NFIB: variants seen among roughly 807,000 people sequenced by gnomAD.
NFIB encodes nuclear factor I B, also known as nuclear factor 1 B-type.
A neutral mutation model predicts 61.5 loss-of-function variants in NFIB; 11 were observed. That is an observed-to-expected ratio of 0.18 (90% confidence interval 0.11 to 0.30). The LOEUF (loss-of-function observed/expected upper bound fraction) is 0.30, where lower values mean the gene tolerates loss of function less well. Among genes scored for constraint, NFIB ranks in the 10% least tolerant of loss-of-function variants. The probability of loss-of-function intolerance (pLI) is 1.00; values close to 1 mark genes in which losing one functional copy is unlikely to be tolerated. For synonymous variants in NFIB, 260 were observed against 216.5 expected, an observed-to-expected ratio of 1.20 and a Z score of -1.76; for missense variants, 471 against 608.9, an observed-to-expected ratio of 0.77 and a Z score of 2.38.
At chr9:14,395,700 C>T (rs1212631839) in intron 1 of NFIB, among the ~76,000 whole-genome samples, 1 of 150,786 alleles carries the variant, frequency 6.6e-6, no homozygotes, top group African/African-American at 2.4e-5. Context: ...CTCATCCCTC[C>T]TCATCCCCCT....
intron 1 of NFIB, among the ~76,000 whole-genome samples, chr9:14,377,499 G>C (rs1469736270): frequency 1.3e-5 from 2 of 152,174 alleles, no homozygotes; most frequent in Non-Finnish European, 2.9e-5. Context: ...TTACAGGCAA[G>C]AGCCACCGTG....
intron 1 of NFIB, among the ~76,000 whole-genome samples, chr9:14,330,385 C>T (rs561477203): frequency 1.3e-5 from 2 of 152,080 alleles, no homozygotes; most frequent in Non-Finnish European, 2.9e-5. Flanking sequence ...CCATATTTTC[C>T]GATCACTAAA....
At chr9:14,471,737 G>A in the NFIB span, among the ~76,000 whole-genome samples, 8 of 152,230 alleles carry the variant, frequency 5.3e-5, no homozygotes, top group Admixed American at 2.6e-4. Flanking sequence ...GAACTCATCC[G>A]GGAAGTTTAG....
intron 10 of NFIB, among the ~76,000 whole-genome samples, chr9:14,104,375 G>A (rs1277055693): frequency 6.6e-6 from 1 of 151,814 alleles, no homozygotes; most frequent in East Asian, 1.9e-4. Flanking sequence ...TTCTCAAAAT[G>A]GGTCGTCTAA....
At chr9:14,097,000 T>C (rs2034897146) in intron 10 of NFIB, among the ~76,000 whole-genome samples, 1 of 152,150 alleles carries the variant, frequency 6.6e-6, no homozygotes, top group Non-Finnish European at 1.5e-5. Context: ...TGGAGAAAGT[T>C]AGGCAAAACT....
At chr9:14,308,510 C>T (rs1437228174) in intron 1 of NFIB, among the ~76,000 whole-genome samples, 1 of 152,198 alleles carries the variant, frequency 6.6e-6, no homozygotes, top group Non-Finnish European at 1.5e-5. Flanking sequence ...AGCAATTATT[C>T]TAAACCTCTT....
At chr9:14,428,563 G>C in the NFIB span, among the ~76,000 whole-genome samples, 51 of 152,162 alleles carry the variant, frequency 3.4e-4, no homozygotes, top group Non-Finnish European at 5.9e-4. Context: ...GAGAGAGGAT[G>C]TAGAAAAACC....
intron 2 of NFIB, among the ~76,000 whole-genome samples, chr9:14,261,516 T>G (rs2056753020): frequency 6.6e-6 from 1 of 151,918 alleles, no homozygotes; most frequent in African/African-American, 2.4e-5. Flanking sequence ...TTGTTGAAAA[T>G]TAACTCACAA....
chr9:14,300,744 G>A (rs377671330), intron 2 of NFIB, among the ~76,000 whole-genome samples: 11 of 152,140 alleles, frequency 7.2e-5, no homozygotes, highest in Admixed American at 5.9e-4. Context: ...ATAACCTTCC[G>A]TTGGGTCCCT....
the NFIB span, among the ~76,000 whole-genome samples, chr9:14,499,406 G>C: frequency 1.4e-4 from 21 of 152,204 alleles, no homozygotes; most frequent in African/African-American, 5.1e-4. Context: ...GTGAGGTGGC[G>C]TCTCACATGG....
At chr9:14,453,083 A>G in the NFIB span, among the ~76,000 whole-genome samples, 10 of 152,232 alleles carry the variant, frequency 6.6e-5, no homozygotes, top group African/African-American at 2.2e-4. Context: ...TAGAACTCCC[A>G]GTGAGGTGGG....
the NFIB span, among the ~76,000 whole-genome samples, chr9:14,489,709 T>G: frequency 6.6e-6 from 1 of 152,136 alleles, no homozygotes; most frequent in South Asian, 2.1e-4. Flanking sequence ...ATAAAAATAA[T>G]AGTATGCCAC....
Position 14,279,090 on chromosome 9 carries a change from T to C in NFIB, c.562+27899A>G, listed in dbSNP as rs1221446672. 4.6e-5 allele frequency among the ~76,000 whole-genome samples: 7 copies of C among 151,252 alleles called. No homozygotes were observed. The East Asian group carries it at 1.4e-3, about 29-fold the overall frequency. Reference sequence around the variant, plus strand: ...GAGAGAGAGACGGACACAGAGAGAGTGTGCCTACAATTCACAAAGCCCTTT... The same window carrying C: ...GAGAGAGAGACGGACACAGAGAGAGCGTGCCTACAATTCACAAAGCCCTTT... On this transcript the variant is annotated intron_variant, in intron 2 of 10. Transcript: ENST00000380953.
chr9:14,083,826 G>A lies in NFIB; in HGVS notation c.*4483C>T. The A allele has an allele frequency of 4.4e-6, 1 of 226,204 alleles. No individual in the cohort carries two copies. Among genetic ancestry groups the A allele is most frequent in the East Asian group, 6.4e-5 (1 of 15,648 alleles). The allele number at this position is 226,204 out of a possible 1,614,324, so 14.0% of individuals were successfully genotyped here. A position where few individuals can be genotyped will look rare whatever the true frequency, so the allele number is the denominator to read the frequency against. On this transcript the variant is annotated 3_prime_UTR_variant, in exon 11 of 11. Coordinates refer to ENST00000380953, the MANE Select transcript of NFIB (RefSeq NM_001190737.2). ...CTACAAGTCACAAATCCAAGATTCT[G>A]CTCCCTGAGGACACGTTATGTGAGA...
chr9:14,227,620 T>G (rs547800036), intron 2 of NFIB, among the ~76,000 whole-genome samples: 9 of 152,290 alleles, frequency 5.9e-5, no homozygotes, highest in African/African-American at 2.2e-4. Context: ...TAAAAAAAAT[T>G]TATTTTCTCC....
chr9:14,418,852 C>CAT, the NFIB span, among the ~76,000 whole-genome samples: 4 of 152,122 alleles, frequency 2.6e-5, no homozygotes, highest in African/African-American at 9.7e-5. Context: ...ATGGTATATG[C>CAT]ATAAGTCAGA....
intron 2 of NFIB, among the ~76,000 whole-genome samples, chr9:14,298,305 T>C (rs2059559578): frequency 6.6e-6 from 1 of 152,220 alleles, no homozygotes; most frequent in Admixed American, 6.5e-5. Context: ...ACAGCATAAC[T>C]AAATTTCCCA....
At chr9:14,404,466 T>G in the NFIB span, among the ~76,000 whole-genome samples, 3 of 152,154 alleles carry the variant, frequency 2.0e-5, no homozygotes, top group Admixed American at 2.0e-4. Context: ...CACCTCCTAC[T>G]TGTTCAAAAT....
the NFIB span, among the ~76,000 whole-genome samples, chr9:14,489,659 T>C: frequency 1.3e-5 from 2 of 152,200 alleles, no homozygotes; most frequent in South Asian, 4.1e-4. Context: ...ATTTTTTGTG[T>C]ACATTTTCAG....
Sources: gnomAD v4.1 joint callset for allele counts (sites outside exome capture counted in the v4.1 genomes callset) on GRCh38, gnomAD v4.1.1 for gene constraint, MANE v1.5 for transcripts, NCBI Gene and HGNC (gene_info 2026-07-23, HGNC 2026-07-21) for gene names.